BBOF1: variants seen among roughly 807,000 people sequenced by gnomAD.
The protein encoded by BBOF1 is basal body orientation factor 1, also known as basal body-orientation factor 1.
Under a neutral mutation model 68.0 loss-of-function variants are expected in BBOF1, and 62 were observed. The observed-to-expected ratio is 0.91, with a 90% CI of 0.74 to 1.13. The LOEUF (loss-of-function observed/expected upper bound fraction) is 1.13, where lower values mean the gene tolerates loss of function less well. BBOF1 is among the 50% of genes most tolerant of loss of function. The pLI is 0.00. For missense variants in BBOF1, 534 were observed against 600.1 expected (o/e 0.89, Z 1.15); for synonymous variants, 208 against 198.8 (o/e 1.05, Z -0.39).
At chr14:74,028,865 C>T (rs960897272) in intron 2 of BBOF1, among the ~76,000 whole-genome samples, 2 of 152,002 alleles carry the variant, frequency 1.3e-5, no homozygotes, top group Non-Finnish European at 2.9e-5. Context: ...TGTGCCACCA[C>T]GCCTGGCTAA....
At chr14:74,032,958 T>C (rs1165348362) in intron 3 of BBOF1, among the ~76,000 whole-genome samples, 2 of 152,014 alleles carry the variant, frequency 1.3e-5, no homozygotes, top group African/African-American at 4.8e-5. Flanking sequence ...CCTCCTCCTC[T>C]TTCTCCTTCT....
In BBOF1 at chr14:74,043,587, C is replaced by G. The variant is rs180806205; in HGVS notation, c.577-2473C>G. Reference sequence around the variant, plus strand: ...AAAAAAAAAAAAAAAAAAAAAAAGACAGAGTCTCACTTTGTCACCTAGGTT... The same window carrying G: ...AAAAAAAAAAAAAAAAAAAAAAAGAGAGAGTCTCACTTTGTCACCTAGGTT... On this transcript the variant is annotated intron_variant, in intron 5 of 11. Transcript: ENST00000394009. Among the ~76,000 whole-genome samples, 671 of 130,044 alleles carry G rather than the reference C, an allele frequency of 5.2e-3. 10 individuals carry two copies. The highest frequency in any genetic ancestry group is 0.018 in the African/African-American group (645 of 34,948). 85.3% of individuals were successfully genotyped at this position (130,044 alleles called of 152,430 possible).
intron 4 of BBOF1, among the ~76,000 whole-genome samples, chr14:74,039,856 G>T (rs1055132359): frequency 1.4e-4 from 21 of 152,074 alleles, no homozygotes; most frequent in African/African-American, 4.8e-4. Flanking sequence ...TTAATTTATA[G>T]ATTTTTGAGG....
rs2060030212 is a variant in BBOF1 at position 74,049,943 on chromosome 14, T to C, written c.1034T>C (p.Val345Ala). 1 of 1,614,174 alleles carries C rather than the reference T, an allele frequency of 6.2e-7. No homozygotes were observed. Among genetic ancestry groups the C allele is most frequent in the Non-Finnish European group, 8.5e-7 (1 of 1,180,032 alleles). Residue 345 changes from valine (V) to alanine (A), a missense_variant, in exon 8 of 12, where the codon GTG (valine) becomes GCG (alanine). Physicochemically the swap from Val to Ala is moderately conservative, Grantham distance 64 (BLOSUM62 0). Coordinates refer to ENST00000394009, the MANE Select transcript of BBOF1 (RefSeq NM_025057.3). ...ATGAAGGACAGGGAAATGAATCGTG[T>C]GAAGAAGCTGGCCAAGAACATACTG... The part of the protein sequence containing the change: ...LQMKDREMNR[V>A]KKLAKNILDE...
intron 8 of BBOF1, among the ~76,000 whole-genome samples, chr14:74,051,580 G>A (rs2060068640): frequency 6.6e-6 from 1 of 151,654 alleles, no homozygotes; most frequent in Non-Finnish European, 1.5e-5. Context: ...CTATGATAAA[G>A]GTAACAGAAT....
intron 8 of BBOF1, among the ~76,000 whole-genome samples, chr14:74,054,097 T>TG (rs927881593): frequency 6.6e-6 from 1 of 151,874 alleles, no homozygotes; most frequent in Admixed American, 6.6e-5. Context: ...AGGGTAGTCT[T>TG]GATCTCCTGA....
At chr14:74,049,018 A>C (rs11624332) in intron 7 of BBOF1, among the ~76,000 whole-genome samples, 6,870 of 152,144 alleles carry the variant, frequency 0.045, 231 homozygotes, top group Middle Eastern at 0.11. Flanking sequence ...GACTACAGGC[A>C]TGCACCACCA....
chr14:74,074,649 T>C (rs1322111874), intron 9 of BBOF1, among the ~76,000 whole-genome samples: 1 of 152,112 alleles, frequency 6.6e-6, no homozygotes, highest in Non-Finnish European at 1.5e-5. Flanking sequence ...ATTTGAGCAA[T>C]AGTCCTTATT....
chr14:74,029,621 G>T (rs2059517729), intron 3 of BBOF1, among the ~76,000 whole-genome samples: 1 of 151,284 alleles, frequency 6.6e-6, no homozygotes, highest in African/African-American at 2.4e-5. Flanking sequence ...GGCAGAAGTT[G>T]CAGTGAGCCA....
Position 74,065,035 on chromosome 14 carries a change from C to G in BBOF1, c.*336C>G, listed in dbSNP as rs538422746. ...CCACCTTCTACCCTATCCTCTACCC[C>G]ATGAACTTTCATTCCTGAGGAAGAA... On this transcript the variant is annotated 3_prime_UTR_variant, in exon 12 of 12. Coordinates refer to ENST00000394009, the MANE Select transcript of BBOF1 (RefSeq NM_025057.3). The G allele has an allele frequency of 1.8e-5, 24 of 1,368,826 alleles. No homozygotes were observed. The East Asian group carries it at 5.6e-4, about 32-fold the overall frequency. 84.8% of individuals were successfully genotyped at this position (1,368,826 alleles called of 1,614,324 possible).
chr14:74,042,436 C>T lies in BBOF1; in HGVS notation c.576+1791C>T, dbSNP rs148397341. On this transcript the variant is annotated intron_variant, in intron 5 of 11. Transcript: ENST00000394009. Reference sequence around the variant, plus strand: ...AGAGTTGGTCAGTTTACAGAATACCCGAGTAACAGTGCTTATGTAAATAGG... The same window carrying T: ...AGAGTTGGTCAGTTTACAGAATACCTGAGTAACAGTGCTTATGTAAATAGG... 3.9e-4 allele frequency among the ~76,000 whole-genome samples: 60 copies of T among 152,244 alleles called. 1 individual carries two copies. In the East Asian group the frequency reaches 0.011, roughly 27 times the overall value.
downstream of BBOF1, chr14:74,066,781 A>C (rs2060473552): frequency 6.2e-7 from 1 of 1,613,888 alleles, no homozygotes; most frequent in African/African-American, 1.3e-5. Context: ...TCGTCCATCA[A>C]GAAGGATGGA....
At chr14:74,073,629 G>A (rs1342557627) in intron 9 of BBOF1, among the ~76,000 whole-genome samples, 1 of 151,786 alleles carries the variant, frequency 6.6e-6, no homozygotes, top group Non-Finnish European at 1.5e-5. Flanking sequence ...ATGATCAAAA[G>A]ATTTTTGGCT....
chr14:74,072,317 T>C (rs2060561340), intron 9 of BBOF1: 1 of 1,614,230 alleles, frequency 6.2e-7, no homozygotes, highest in Non-Finnish European at 8.5e-7. Flanking sequence ...CTGCATCCAT[T>C]TCTGCCTTGG....
chr14:74,069,730 G>T (rs1024041613), downstream of BBOF1, among the ~76,000 whole-genome samples: 2 of 151,778 alleles, frequency 1.3e-5, no homozygotes, highest in Non-Finnish European at 2.9e-5. Flanking sequence ...CTCAGCCTGG[G>T]CAACAAGAGC....
chr14:74,036,581 G>T (rs2059704457), intron 4 of BBOF1, among the ~76,000 whole-genome samples: 1 of 151,850 alleles, frequency 6.6e-6, no homozygotes, highest in Non-Finnish European at 1.5e-5. Flanking sequence ...CTACTCCAGA[G>T]GCTGAGGCAG....
chr14:74,025,727 C>T (rs1388221047), intron 2 of BBOF1, among the ~76,000 whole-genome samples: 2 of 152,152 alleles, frequency 1.3e-5, no homozygotes, highest in Non-Finnish European at 2.9e-5. Flanking sequence ...GTGTCAACAA[C>T]CATGTCAACA....
chr14:74,048,657 GA>G (rs2060001706), intron 7 of BBOF1: 1 of 152,086 alleles, frequency 6.6e-6, no homozygotes, highest in Admixed American at 6.6e-5. Context: ...GGTCTTTCTG[GA>G]AGTCCTACAC....
rs2060449800 is a variant in BBOF1, at chr14:74,065,627, C to G, written c.*928C>G. On this transcript the variant is annotated 3_prime_UTR_variant, in exon 12 of 12. Coordinates refer to ENST00000394009, the MANE Select transcript of BBOF1 (RefSeq NM_025057.3). ...AGGGACTGTATCTTTAGTTCATGAC[C>G]CATCATCAGCTGCCTTTTTAATACC... is the stretch of plus-strand genomic sequence containing the variant. 2.4e-6 allele frequency: 1 copy of G among 411,402 alleles called. No individual in the cohort carries two copies. Among genetic ancestry groups the G allele is most frequent in the African/African-American group, 2.0e-5 (1 of 49,680 alleles). The allele number at this position is 411,402 out of a possible 1,614,324, so 25.5% of individuals were successfully genotyped here.
Sources: allele counts gnomAD v4.1 joint callset (sites outside exome capture counted in the v4.1 genomes callset), GRCh38; gene constraint gnomAD v4.1.1; transcripts MANE v1.5; gene names NCBI Gene and HGNC (gene_info 2026-07-23, HGNC 2026-07-21).